Variants in SLC24A2 observed in about 807,000 individuals in gnomAD.
SLC24A2 encodes sodium/potassium/calcium exchanger 2.
SLC24A2 carries 36 observed loss-of-function variants against 62.0 expected under a neutral mutation model. The ratio of observed to expected loss-of-function variants is 0.58; its 90% CI spans 0.44 to 0.77. The LOEUF (loss-of-function observed/expected upper bound fraction) is 0.77, where lower values mean the gene tolerates loss of function less well. Among genes scored for constraint, SLC24A2 ranks in the 30% least tolerant of loss-of-function variants. SLC24A2 has a pLI of 0.00. For synonymous variants in SLC24A2, 358 were observed against 294.0 expected (o/e 1.22, Z -2.23); for missense variants, 846 against 817.9 (o/e 1.03, Z -0.42).
At chr9:20,223,379 C>T in the SLC24A2 span, among the ~76,000 whole-genome samples, 1 of 152,126 alleles carries the variant, frequency 6.6e-6, no homozygotes, top group Non-Finnish European at 1.5e-5. Flanking sequence ...AATCTCAACA[C>T]TTTGGGAGGC....
the SLC24A2 span, among the ~76,000 whole-genome samples, chr9:20,268,457 A>G: frequency 6.6e-6 from 1 of 152,138 alleles, no homozygotes; most frequent in Non-Finnish European, 1.5e-5. Flanking sequence ...TAATGGGTTA[A>G]TGGATTAATG....
chr9:19,935,874 G>A, the SLC24A2 span, among the ~76,000 whole-genome samples: 32 of 152,242 alleles, frequency 2.1e-4, no homozygotes, highest in South Asian at 5.8e-3. Context: ...CTGAGCCCTC[G>A]AAGCAATCTC....
At chr9:19,871,109 G>T in the SLC24A2 span, among the ~76,000 whole-genome samples, 1 of 151,938 alleles carries the variant, frequency 6.6e-6, no homozygotes, top group Non-Finnish European at 1.5e-5. Context: ...GAGTTTTATA[G>T]TTTTGGCTTT....
chr9:19,528,979 A>G (rs1376428598), intron 8 of SLC24A2, among the ~76,000 whole-genome samples: 1 of 152,208 alleles, frequency 6.6e-6, no homozygotes, highest in Non-Finnish European at 1.5e-5. Flanking sequence ...CTTGAAATGC[A>G]GTGTTTCTTA....
At chr9:20,100,507 T>C in the SLC24A2 span, among the ~76,000 whole-genome samples, 1 of 152,248 alleles carries the variant, frequency 6.6e-6, no homozygotes, top group South Asian at 2.1e-4. Flanking sequence ...TCATCATAAG[T>C]GCAGATATTT....
chr9:20,269,658 C>T, the SLC24A2 span, among the ~76,000 whole-genome samples: 1 of 152,146 alleles, frequency 6.6e-6, no homozygotes, highest in Non-Finnish European at 1.5e-5. Context: ...GAAGTACAAC[C>T]TGCTCCCCCG....
chr9:19,788,837 C>G, intron 1 of SLC24A2, 48 bp downstream of exon 1: 1 of 985,434 alleles, frequency 1.0e-6, no homozygotes, highest in Non-Finnish European at 1.2e-6. Context: ...CGGGGACGAC[C>G]GCCACAGCGG....
chr9:19,664,137 A>G (rs1195598184), intron 2 of SLC24A2, among the ~76,000 whole-genome samples: 1 of 152,230 alleles, frequency 6.6e-6, no homozygotes, highest in Non-Finnish European at 1.5e-5. Context: ...GGATAAACCT[A>G]AAATCTGAGT....
At chr9:19,725,036 G>C (rs558409404) in intron 2 of SLC24A2, among the ~76,000 whole-genome samples, 2 of 152,204 alleles carry the variant, frequency 1.3e-5, no homozygotes, top group African/African-American at 4.8e-5. Flanking sequence ...CAAAACCTCT[G>C]TCTTATACTG....
chr9:19,642,406 C>G (rs949909242), intron 2 of SLC24A2, among the ~76,000 whole-genome samples: 1 of 152,154 alleles, frequency 6.6e-6, no homozygotes, highest in African/African-American at 2.4e-5. Flanking sequence ...TGACAAAGCT[C>G]AGCTGGAGCT....
Position 19,510,408 on chromosome 9 carries a change from G to A in SLC24A2, c.*5745C>T, listed in dbSNP as rs923609847. 2.2e-5 allele frequency: 3 copies of A among 134,688 alleles called. No homozygotes were observed. Among genetic ancestry groups the A allele is most frequent in the African/African-American group, 8.7e-5 (3 of 34,300 alleles). 8.3% of individuals were successfully genotyped at this position (134,688 alleles called of 1,614,324 possible). ...TTCCAACTATGGGGCAAAGAGTGAA[G>A]AGTGCCCAGATGCAGTTACTTTTTG... On this transcript the variant is annotated 3_prime_UTR_variant, in exon 11 of 11. Coordinates refer to ENST00000341998, the MANE Select transcript of SLC24A2 (RefSeq NM_020344.4).
the SLC24A2 span, among the ~76,000 whole-genome samples, chr9:19,881,477 A>G: frequency 6.6e-6 from 1 of 152,168 alleles, no homozygotes; most frequent in East Asian, 1.9e-4. Flanking sequence ...TACGGCACAA[A>G]AAAGACATAA....
Position 19,745,948 on chromosome 9 carries a change from G to A in SLC24A2, c.930+39989C>T, listed in dbSNP as rs201047255. Among the ~76,000 whole-genome samples the A allele has an allele frequency of 2.6e-5, 4 of 152,140 alleles. No homozygotes were observed. The East Asian group carries it at 7.7e-4, about 29-fold the overall frequency. ...ACATATCATAGCCCTTTCTTTCTGTGTTTTAGAAATACTATTTTTTTCTAC... is the reference window on the plus strand; with the variant it reads ...ACATATCATAGCCCTTTCTTTCTGTATTTTAGAAATACTATTTTTTTCTAC... On this transcript the variant is annotated intron_variant, in intron 2 of 10. Transcript: ENST00000341998.
At chr9:20,113,733 TG>T in the SLC24A2 span, among the ~76,000 whole-genome samples, 1 of 152,188 alleles carries the variant, frequency 6.6e-6, no homozygotes, top group African/African-American at 2.4e-5. Context: ...TCTTGCCTTT[TG>T]CCTATTTTCA....
chr9:19,767,061 G>C (rs1564089541), intron 2 of SLC24A2, among the ~76,000 whole-genome samples: 3 of 152,162 alleles, frequency 2.0e-5, no homozygotes. Context: ...GCTCCACCCA[G>C]TTAGAACTTC....
chr9:19,574,255 C>T (rs973505254), intron 6 of SLC24A2, among the ~76,000 whole-genome samples: 7 of 152,130 alleles, frequency 4.6e-5, no homozygotes, highest in Non-Finnish European at 1.0e-4. Context: ...AGGGGGAGCT[C>T]GACAAGTAAT....
chr9:19,862,028 T>C, the SLC24A2 span, among the ~76,000 whole-genome samples: 1 of 152,140 alleles, frequency 6.6e-6, no homozygotes, highest in Non-Finnish European at 1.5e-5. Flanking sequence ...GTAGAAAGTT[T>C]ATTCAAAGGG....
At chr9:20,074,614 TGAGG>T in the SLC24A2 span, among the ~76,000 whole-genome samples, 20 of 43,926 alleles carry the variant, frequency 4.6e-4, 1 homozygote, top group African/African-American at 1.4e-3. Flanking sequence ...AAGAAGGGAG[TGAGG>T]GAGGGAGGGA....
the SLC24A2 span, among the ~76,000 whole-genome samples, chr9:20,234,934 TC>T: frequency 3.9e-5 from 6 of 152,234 alleles, no homozygotes; most frequent in Non-Finnish European, 7.3e-5. Flanking sequence ...TTGTTCGTTT[TC>T]CTTCTAACAG....
Sources: gnomAD v4.1 joint callset for allele counts (sites outside exome capture counted in the v4.1 genomes callset) on GRCh38, gnomAD v4.1.1 for gene constraint, MANE v1.5 for transcripts, NCBI Gene and HGNC (gene_info 2026-07-23, HGNC 2026-07-21) for gene names.